R3HDML: variants seen among roughly 807,000 people sequenced by gnomAD.
R3HDML encodes the protein R3H domain containing like.
A neutral mutation model predicts 24.2 loss-of-function variants in R3HDML; 21 were observed. That is an observed-to-expected ratio of 0.87 (90% CI 0.62 to 1.25). The LOEUF is 1.25. Ranked by LOEUF, R3HDML falls within the 50% of genes most tolerant of loss-of-function variation. R3HDML has a pLI of 0.00. For missense variants in R3HDML, 301 were observed against 340.3 expected (o/e 0.88, Z 0.91); for synonymous variants, 133 against 131.5 (o/e 1.01, Z -0.08).
intron 4 of R3HDML, chr20:44,347,741 A>G (rs983448550): frequency 5.9e-5 from 9 of 152,218 alleles, no homozygotes; most frequent in African/African-American, 2.2e-4. Flanking sequence ...GAGCTGGTTC[A>G]GAAGAATCAG....
At chr20:44,347,735 T>G (rs951548745) in intron 4 of R3HDML, 7 of 152,208 alleles carry the variant, frequency 4.6e-5, no homozygotes, top group Admixed American at 4.6e-4. Context: ...GTAGTAGAGC[T>G]GGTTCAGAAG....
rs950179424 is a variant in R3HDML at position 44,340,039 on chromosome 20, C to T, written c.262-1157C>T. Among the ~76,000 whole-genome samples, 9 of 152,190 alleles carry T rather than the reference C, an allele frequency of 5.9e-5. 1 individual carries two copies. The highest frequency in any genetic ancestry group is 1.5e-5 in the Non-Finnish European group (1 of 68,018). On this transcript the variant is annotated intron_variant, in intron 1 of 4. Coordinates refer to ENST00000217043, the MANE Select transcript of R3HDML (RefSeq NM_178491.4). ...ATATGGACTCAGCTCACTGCAACCT[C>T]GGTCTCCCAGGTTCAAGCGATTCTC...
intron 2 of R3HDML, among the ~76,000 whole-genome samples, chr20:44,341,566 G>A (rs149280179): frequency 6.6e-6 from 1 of 152,322 alleles, no homozygotes; most frequent in African/African-American, 2.4e-5. Flanking sequence ...GGTGGAAAGT[G>A]AGGAGGGATT....
chr20:44,337,672 T>A lies in R3HDML; in HGVS notation c.261+254T>A, dbSNP rs2062761503. Among the ~76,000 whole-genome samples, 1 of 152,204 alleles carries A rather than the reference T, an allele frequency of 6.6e-6. No homozygotes were observed. ...GTGACTACTATGTAAGGAGCACCAC[T>A]GTGCGCCAGGCACTGCACGTGAGTA... On this transcript the variant is annotated intron_variant, in intron 1 of 4. Transcript: ENST00000217043. The surrounding 1 kb of genome is among the most constrained non-coding windows in gnomAD (Gnocchi z 4.7).
intron 2 of R3HDML, among the ~76,000 whole-genome samples, chr20:44,342,651 A>C (rs1397386038): frequency 6.6e-6 from 1 of 152,174 alleles, no homozygotes; most frequent in Non-Finnish European, 1.5e-5. Context: ...AAATATGTGT[A>C]ATAGAAAAAG....
At chr20:44,344,599 T>G (rs2062781070) in intron 3 of R3HDML, among the ~76,000 whole-genome samples, 1 of 151,784 alleles carries the variant, frequency 6.6e-6, no homozygotes, top group Non-Finnish European at 1.5e-5. Context: ...CTGGCCAACA[T>G]GATGAAACCC....
chr20:44,337,513 C>T lies in R3HDML; in HGVS notation c.261+95C>T. On this transcript the variant is annotated intron_variant, in intron 1 of 4. Coordinates refer to ENST00000217043, the MANE Select transcript of R3HDML (RefSeq NM_178491.4). This position sits in a 1 kb window ranked among gnomAD's most constrained non-coding sequence, Gnocchi z 4.7. ...GCCTAGAATGACTGGCTTTGAAGAG[C>T]TGGACCACTTGCCTGCCTGGCCCCA... The T allele has an allele frequency of 1.4e-6, 2 of 1,391,448 alleles. No individual in the cohort carries two copies. Among genetic ancestry groups the T allele is most frequent in the Non-Finnish European group, 2.0e-6 (2 of 1,010,356 alleles). The allele number at this position is 1,391,448 out of a possible 1,614,324, so 86.2% of individuals were successfully genotyped here.
chr20:44,350,745 A>G lies in R3HDML; in HGVS notation c.715A>G (p.Asn239Asp). 1 of 1,614,104 alleles carries G rather than the reference A, an allele frequency of 6.2e-7. No homozygotes were observed. The change falls in exon 5 of 5, where the codon AAC (asparagine) becomes GAC (aspartate). Residue 239 changes from asparagine to aspartate, a missense_variant. By Grantham distance (23) the Asn-to-Asp change is conservative. Coordinates refer to ENST00000217043, the MANE Select transcript of R3HDML (RefSeq NM_178491.4). The stretch of plus-strand genomic sequence containing the variant: ...CAGTTATCAAGGCAGCTGCAATAGC[A>G]ACATGTGCTTCAAGGGGCTGAAATC... ...PPSYQGSCNS[N>D]MCFKGLKSNK...
At chr20:44,346,160 G>A (rs904698198) in intron 4 of R3HDML, among the ~76,000 whole-genome samples, 3 of 151,870 alleles carry the variant, frequency 2.0e-5, no homozygotes, top group African/African-American at 7.3e-5. Flanking sequence ...TCCCTCTGTT[G>A]CCCAGGCTGG....
In R3HDML at chr20:44,345,338, T is replaced by C; in HGVS notation, c.589T>C (p.Trp197Arg). Reference protein sequence around the residue: ...CSSISVWGNTWHRAAYLVCNY... With the variant: ...CSSISVWGNTRHRAAYLVCNY... ...TAGCATCAGTGTCTGGGGCAACACC[T>C]GGCATCGGGCGGCATACCTGGTCTG... Residue 197 changes from tryptophan to arginine, a missense_variant, in exon 4 of 5, where the codon TGG becomes CGG. By Grantham distance (101) the Trp-to-Arg change is moderately radical. Transcript: ENST00000217043. 6.2e-7 allele frequency: 1 copy of C among 1,614,112 alleles called. No individual in the cohort carries two copies. The highest frequency in any genetic ancestry group is 8.5e-7 in the Non-Finnish European group (1 of 1,180,014).
At chr20:44,347,954 AT>A (rs35413702) in intron 4 of R3HDML, 4,058 of 105,422 alleles carry the variant, frequency 0.038, 105 homozygotes, top group African/African-American at 0.14. Flanking sequence ...ATAGCGTCTA[AT>A]TTTTTTTTTT....
chr20:44,348,654 C>T (rs1278296476), intron 4 of R3HDML, among the ~76,000 whole-genome samples: 1 of 152,096 alleles, frequency 6.6e-6, no homozygotes, highest in East Asian at 1.9e-4. Context: ...GCGTTCACCA[C>T]CACACCTGGC....
chr20:44,341,050 TCA>T, intron 1 of R3HDML, 144 bp from the exon 2 acceptor site: 4 of 644,616 alleles, frequency 6.2e-6, no homozygotes, highest in Non-Finnish European at 1.1e-5. Flanking sequence ...GAGCTGAGCC[TCA>T]GTCTTCTACT....
At position 44,338,271 on chromosome 20, in the gene R3HDML, A is replaced by G. The variant is rs137870158; in HGVS notation, c.261+853A>G. Among the ~76,000 whole-genome samples the G allele has an allele frequency of 2.9e-4, 44 of 152,278 alleles. 1 individual carries two copies. Among genetic ancestry groups the G allele is most frequent in the African/African-American group, 1.0e-3 (43 of 41,578 alleles). On this transcript the variant is annotated intron_variant, in intron 1 of 4. Transcript: ENST00000217043. ...AAAACTTAACTTTTTCATCGTATCC[A>G]TTGACTTATACTTGGAGTACACTTG...
chr20:44,343,042 C>T (rs1568676415), intron 2 of R3HDML, among the ~76,000 whole-genome samples: 1 of 152,186 alleles, frequency 6.6e-6, no homozygotes, highest in Non-Finnish European at 1.5e-5. Flanking sequence ...TCTGCCTTCT[C>T]CTCACATCTC....
In R3HDML at chr20:44,345,363, G is replaced by T. The variant is rs560664975; in HGVS notation, c.614G>T (p.Cys205Phe). Residue 205 changes from cysteine to phenylalanine, a missense_variant, in exon 4 of 5, where the codon TGC becomes TTC. Transcript: ENST00000217043. ...TGGCATCGGGCGGCATACCTGGTCTGCAACTATGCCATTAAGTAAGTGCCT... is the reference window on the plus strand; with the variant it reads ...TGGCATCGGGCGGCATACCTGGTCTTCAACTATGCCATTAAGTAAGTGCCT... ...NTWHRAAYLV[C>F]NYAIKGNWIG... 3 of 1,613,268 alleles carry T rather than the reference G, an allele frequency of 1.9e-6. No homozygotes were observed. The highest frequency in any genetic ancestry group is 2.5e-6 in the Non-Finnish European group (3 of 1,179,504).
At chr20:44,345,433 G>A (rs1184383842) in intron 4 of R3HDML, 55 bp downstream of exon 4, 1 of 1,199,874 alleles carries the variant, frequency 8.3e-7, no homozygotes, top group Middle Eastern at 2.0e-4. Flanking sequence ...TGGGTCCTGA[G>A]AATTCAAAGA....
Position 44,341,254 on chromosome 20 carries a change from C to T in R3HDML, c.320C>T (p.Ala107Val), listed in dbSNP as rs2062771545. Residue 107 changes from alanine (A) to valine (V), a missense_variant, in exon 2 of 5, where the codon GCA (alanine) becomes GTA (valine). By Grantham distance (64) the Ala-to-Val change is moderately conservative. Transcript: ENST00000217043. ...GCCTGGGCCACCCAGTGCATCTGGG[C>T]ACATGGGCCTTCACAGCTGATGAGA... ...AEAWATQCIW[A>V]HGPSQLMRYV... The T allele has an allele frequency of 6.2e-7, 1 of 1,614,168 alleles. No individual in the cohort carries two copies. Among genetic ancestry groups the T allele is most frequent in the Non-Finnish European group, 8.5e-7 (1 of 1,180,000 alleles).
intron 4 of R3HDML, 106 bp downstream of exon 4, chr20:44,345,484 A>C: frequency 1.3e-6 from 1 of 750,506 alleles, no homozygotes; most frequent in Non-Finnish European, 2.2e-6. Context: ...AAGTGCCCTC[A>C]ATACCATATA....
Sources: gnomAD v4.1 joint callset for allele counts (sites outside exome capture counted in the v4.1 genomes callset) on GRCh38, gnomAD v4.1.1 for gene constraint, Gnocchi (gnomAD v3.1) non-coding constraint, MANE v1.5 for transcripts, NCBI Gene and HGNC (gene_info 2026-07-23, HGNC 2026-07-21) for gene names.